The following DDX6 variants were observed in gnomAD, a reference collection of about 807,000 sequenced individuals.
DDX6 encodes the protein DEAD-box helicase 6.
A neutral mutation model predicts 60.6 loss-of-function variants in DDX6; 7 were observed. The observed-to-expected ratio is 0.12, with a 90% CI of 0.07 to 0.22. The LOEUF is 0.22. DDX6 is among the 10% of genes least tolerant of loss of function. The probability of loss-of-function intolerance (pLI) is 1.00; values close to 1 mark genes in which losing one functional copy is unlikely to be tolerated. For missense variants in DDX6, 270 were observed against 589.9 expected (o/e 0.46, Z 5.62); for synonymous variants, 207 against 201.0 (o/e 1.03, Z -0.25).
rs748806705 is a variant in DDX6 at position 118,786,227 on chromosome 11, G to C, written c.25C>G (p.Pro9Ala). ...TGACTGGACAGACCCATTATAACAG[G>C]GTTCTCTGTTCTGGCCGTGCTCATG... The part of the protein sequence containing the change: MSTARTEN[P>A]VIMGLSSQNG... The change falls in exon 2 of 14, where the codon CCT (proline) becomes GCT (alanine). Residue 9 changes from proline (P) to alanine (A), a missense_variant. Physicochemically the swap from Pro to Ala is conservative, Grantham distance 27 (BLOSUM62 -1). Coordinates refer to ENST00000534980, the MANE Select transcript of DDX6 (RefSeq NM_004397.6). 6.2e-7 allele frequency: 1 copy of C among 1,611,594 alleles called. No homozygotes were observed. The highest frequency in any genetic ancestry group is 1.3e-5 in the African/African-American group (1 of 74,914).
chr11:118,780,188 A>C (rs1861848742), intron 3 of DDX6, among the ~76,000 whole-genome samples: 1 of 151,454 alleles, frequency 6.6e-6, no homozygotes, highest in South Asian at 2.1e-4. Flanking sequence ...CCCAATCTTA[A>C]ATATAAATAT....
At chr11:118,773,040 T>A (rs1861586652) in intron 4 of DDX6, among the ~76,000 whole-genome samples, 1 of 152,208 alleles carries the variant, frequency 6.6e-6, no homozygotes, top group African/African-American at 2.4e-5. Flanking sequence ...TCTCTAGCCT[T>A]CTCAATCTTG....
chr11:118,780,108 CTA>C (rs1861842134), intron 3 of DDX6, among the ~76,000 whole-genome samples: 2 of 68,550 alleles, frequency 2.9e-5, no homozygotes, highest in African/African-American at 5.6e-5. Context: ...GAGCCAGACT[CTA>C]TCTCAAAAAA....
At chr11:118,767,587 G>A (rs1318081980) in intron 5 of DDX6, 1 of 146,150 alleles carries the variant, frequency 6.8e-6, no homozygotes, top group Non-Finnish European at 1.5e-5. Context: ...TTTATAAGTA[G>A]CAATGTCAAC....
chr11:118,761,142 A>G (rs1246013144), intron 7 of DDX6, among the ~76,000 whole-genome samples: 3 of 152,020 alleles, frequency 2.0e-5, no homozygotes, highest in Non-Finnish European at 4.4e-5. Flanking sequence ...CTCTGTCTCA[A>G]AAAAAAGTAC....
chr11:118,762,147 A>G (rs1053625982), intron 7 of DDX6, among the ~76,000 whole-genome samples: 3 of 151,334 alleles, frequency 2.0e-5, no homozygotes, highest in Admixed American at 1.3e-4. Context: ...TGGGTGGTAC[A>G]TAATTGTAAT....
Position 118,750,224 on chromosome 11 carries a change from T to C in DDX6, c.*1881A>G, listed in dbSNP as rs1555156875. 3.3e-5 allele frequency: 5 copies of C among 152,432 alleles called. No individual in the cohort carries two copies. The highest frequency in any genetic ancestry group is 4.1e-4 in the South Asian group (2 of 4,828). The allele number at this position is 152,432 out of a possible 1,614,324, so 9.4% of individuals were successfully genotyped here. A position where few individuals can be genotyped will look rare whatever the true frequency, so the allele number is the denominator to read the frequency against. On this transcript the variant is annotated 3_prime_UTR_variant, in exon 14 of 14. Transcript: ENST00000534980. ...CCCCCCCTTTCCAGATGCCTCCTGA[T>C]TGACCTAGTACACTGGGTTAAAAGG... is the stretch of plus-strand genomic sequence containing the variant.
intron 2 of DDX6, among the ~76,000 whole-genome samples, chr11:118,782,529 C>T (rs1484428774): frequency 6.6e-6 from 1 of 152,096 alleles, no homozygotes; most frequent in Non-Finnish European, 1.5e-5. Context: ...ATCTCAAATG[C>T]TCCATTCACA....
intron 2 of DDX6, among the ~76,000 whole-genome samples, chr11:118,784,701 C>A (rs1862015634): frequency 6.6e-6 from 1 of 151,976 alleles, no homozygotes; most frequent in Non-Finnish European, 1.5e-5. Flanking sequence ...TCGTGATCTA[C>A]CTGCCTCAGC....
intron 2 of DDX6, among the ~76,000 whole-genome samples, chr11:118,783,060 A>C (rs567936504): frequency 2.9e-4 from 44 of 150,434 alleles, no homozygotes; most frequent in Non-Finnish European, 5.6e-4. Context: ...AGAAATTTAT[A>C]ATCTTATGAG....
At chr11:118,770,682 G>A (rs1029484056) in intron 4 of DDX6, among the ~76,000 whole-genome samples, 2 of 152,174 alleles carry the variant, frequency 1.3e-5, no homozygotes, top group South Asian at 2.1e-4. Context: ...CTGAGGTCAG[G>A]AGTTCGAGAC....
rs1323046744 is a variant in DDX6, at chr11:118,791,129, G to C, written c.-299C>G. Reference sequence around the variant, plus strand: ...CGCTGCCCGCTCTCGTGGCGCCGCCGAAGTCGCCGCCTGGCTGAGCTAACT... The same window carrying C: ...CGCTGCCCGCTCTCGTGGCGCCGCCCAAGTCGCCGCCTGGCTGAGCTAACT... On this transcript the variant is annotated 5_prime_UTR_variant, in exon 1 of 14. Transcript: ENST00000534980. The C allele has an allele frequency of 1.3e-5, 2 of 151,664 alleles. No homozygotes were observed. Among genetic ancestry groups the C allele is most frequent in the Non-Finnish European group, 1.5e-5 (1 of 67,980 alleles). The allele number at this position is 151,664 out of a possible 1,614,324, so 9.4% of individuals were successfully genotyped here.
intron 4 of DDX6, among the ~76,000 whole-genome samples, chr11:118,778,761 C>T (rs191876687): frequency 3.1e-4 from 47 of 152,164 alleles, no homozygotes; most frequent in African/African-American, 1.0e-3. Flanking sequence ...ACTAGGCACA[C>T]CTTCAAACAT....
At chr11:118,785,975 T>A in intron 2 of DDX6, 77 bp downstream of exon 2, 1 of 1,398,404 alleles carries the variant, frequency 7.2e-7, no homozygotes, top group Non-Finnish European at 9.9e-7. Context: ...AAGGCATAAG[T>A]ATTAATAGTC....
chr11:118,756,015 C>G (rs1209760537), intron 11 of DDX6, among the ~76,000 whole-genome samples: 1 of 57,566 alleles, frequency 1.7e-5, no homozygotes, highest in Non-Finnish European at 3.5e-5. Context: ...TTCCATCCCC[C>G]TCCCCCCCCC....
chr11:118,770,677 G>T (rs1861506584), intron 4 of DDX6, among the ~76,000 whole-genome samples: 1 of 152,022 alleles, frequency 6.6e-6, no homozygotes. Flanking sequence ...ATCACCTGAG[G>T]TCAGGAGTTC....
chr11:118,764,819 T>A (rs201732592), intron 6 of DDX6, among the ~76,000 whole-genome samples: 317 of 17,154 alleles, frequency 0.018, no homozygotes, highest in African/African-American at 0.048. Flanking sequence ...AAAAAAAAAA[T>A]ATACACACAC....
In DDX6 at chr11:118,765,195, T is replaced by C. The variant is rs1555161057; in HGVS notation, c.646+14A>G. On this transcript the variant is annotated intron_variant, in intron 6 of 13. Coordinates refer to ENST00000534980, the MANE Select transcript of DDX6 (RefSeq NM_004397.6). The stretch of plus-strand genomic sequence containing the variant: ...AACAGAGAGCTACACTACCTTTTAG[T>C]AATCATTTCTTACCTGTATCATCAA... 2 of 1,611,620 alleles carry C rather than the reference T, an allele frequency of 1.2e-6. No individual in the cohort carries two copies. Among genetic ancestry groups the C allele is most frequent in the East Asian group, 2.2e-5 (1 of 44,890 alleles).
At position 118,786,491 on chromosome 11, in the gene DDX6, A is replaced by C; in HGVS notation, c.-240T>G. On this transcript the variant is annotated 5_prime_UTR_variant, in exon 2 of 14. Coordinates refer to ENST00000534980, the MANE Select transcript of DDX6 (RefSeq NM_004397.6). ...TTTAAAAAGCCCTCTAACAAGCTTG[A>C]GTTATATCTGAATTCACTCACGTCA... 3.0e-6 allele frequency: 1 copy of C among 336,988 alleles called. No individual in the cohort carries two copies. Among genetic ancestry groups the C allele is most frequent in the Non-Finnish European group, 5.3e-6 (1 of 187,136 alleles). 20.9% of individuals were successfully genotyped at this position (336,988 alleles called of 1,614,324 possible).
Sources: allele counts gnomAD v4.1 joint callset (sites outside exome capture counted in the v4.1 genomes callset), GRCh38; gene constraint gnomAD v4.1.1; transcripts MANE v1.5; gene names NCBI Gene and HGNC (gene_info 2026-07-23, HGNC 2026-07-21).